Variants in JMJD6 observed in about 807,000 individuals in gnomAD.
JMJD6 encodes bifunctional arginine demethylase and lysyl-hydroxylase JMJD6.
A neutral mutation model predicts 45.8 loss-of-function variants in JMJD6; 17 were observed. That is an observed-to-expected ratio of 0.37 (90% CI 0.25 to 0.56). The LOEUF is 0.56. JMJD6 is among the 20% of genes least tolerant of loss of function. JMJD6 has a pLI of 0.79. For missense variants in JMJD6, 470 were observed against 517.5 expected (o/e 0.91, Z 0.89); for synonymous variants, 221 against 196.3 (o/e 1.13, Z -1.05).
At chr17:76,718,314 C>T (rs2076782641), downstream of JMJD6, 3 of 497,784 alleles carry the variant, frequency 6.0e-6, no homozygotes, top group Non-Finnish European at 8.6e-6. Context: ...TTTCCAATGG[C>T]TCTCCCTACG....
rs1212685615 is a variant in JMJD6 at position 76,718,674 on chromosome 17, A to G, written c.*55T>C. On this transcript the variant is annotated 3_prime_UTR_variant, in exon 6 of 6. Transcript: ENST00000397625. ...CAGGACTGGACAGGCCACCCTCCCCAGGCCCTGCCCTTGCCGCGAGCGTGT... is the reference window on the plus strand; with the variant it reads ...CAGGACTGGACAGGCCACCCTCCCCGGGCCCTGCCCTTGCCGCGAGCGTGT... The G allele has an allele frequency of 3.8e-6, 6 of 1,588,732 alleles. No individual in the cohort carries two copies. Among genetic ancestry groups the G allele is most frequent in the Non-Finnish European group, 5.1e-6 (6 of 1,167,354 alleles).
chr17:76,719,932 G>A (rs1348982049), intron 5 of JMJD6, among the ~76,000 whole-genome samples: 1 of 152,128 alleles, frequency 6.6e-6, no homozygotes, highest in East Asian at 1.9e-4. Context: ...GACCAGCCTG[G>A]TCAACACAGT....
At chr17:76,713,919 G>GC (rs2076746460), downstream of JMJD6, 1 of 152,208 alleles carries the variant, frequency 6.6e-6, no homozygotes, top group East Asian at 1.9e-4. Context: ...GTGAACAGCC[G>GC]CAACAGCCGC....
intron 1 of JMJD6, 26 bp downstream of exon 1, chr17:76,726,321 T>G: frequency 6.5e-7 from 1 of 1,544,622 alleles, no homozygotes; most frequent in Non-Finnish European, 8.7e-7. Flanking sequence ...ATGCCCGGCC[T>G]GGCCACCCCC....
Position 76,726,554 on chromosome 17 carries a change from G to C in JMJD6, c.-79C>G. On this transcript the variant is annotated 5_prime_UTR_variant, in exon 1 of 6. Transcript: ENST00000397625. The stretch of plus-strand genomic sequence containing the variant: ...ACACTAACGCACCCCTCCCCGGCCT[G>C]GGCGGCGGCGACGGCAGTACCCAAA... The C allele has an allele frequency of 6.7e-7, 1 of 1,494,830 alleles. No homozygotes were observed. The highest frequency in any genetic ancestry group is 8.9e-7 in the Non-Finnish European group (1 of 1,128,380). 92.6% of individuals were successfully genotyped at this position (1,494,830 alleles called of 1,614,324 possible). A position where few individuals can be genotyped will look rare whatever the true frequency, so the allele number is the denominator to read the frequency against.
At chr17:76,723,689 C>T in intron 3 of JMJD6, 83 bp downstream of exon 3, 2 of 1,324,186 alleles carry the variant, frequency 1.5e-6, no homozygotes, top group East Asian at 2.3e-5. Flanking sequence ...GATCTGCCCG[C>T]CTCAGCCTCC....
At chr17:76,725,977 C>T (rs2076918707) in intron 1 of JMJD6, 122 bp from the exon 2 acceptor site, 1 of 1,272,900 alleles carries the variant, frequency 7.9e-7, no homozygotes. Context: ...CGTCTGGCTC[C>T]TCCGGGGTGG....
chr17:76,725,799 C>T lies in JMJD6; in HGVS notation c.186G>A (p.Arg62=), dbSNP rs375036353. 37 of 1,613,980 alleles carry T rather than the reference C, an allele frequency of 2.3e-5. No individual in the cohort carries two copies. In the African/African-American group the frequency reaches 4.5e-4, roughly 20 times the overall value. Residue 62 remains arginine, a synonymous_variant, in exon 2 of 6, where the codon CGG becomes CGA. Transcript: ENST00000397625. ...CCACGGGCTTGTAAGGTCTTTCATA[C>T]CGCTCCACAAATTCTTCCACAGACA... The part of the protein sequence containing the change: ...LQLSVEEFVE[R]YERPYKPVVL...
In JMJD6 at chr17:76,725,179, C is replaced by T. The variant is rs377121283; in HGVS notation, c.518+288G>A. Reference sequence around the variant, plus strand: ...ATCGCAGCACTTTGGGAGGCCGAGGCGGGCAGATCACCTGAAGTCGGGAGT... The same window carrying T: ...ATCGCAGCACTTTGGGAGGCCGAGGTGGGCAGATCACCTGAAGTCGGGAGT... On this transcript the variant is annotated intron_variant, in intron 2 of 5. Coordinates refer to ENST00000397625, the MANE Select transcript of JMJD6 (RefSeq NM_015167.3). Among the ~76,000 whole-genome samples, 101 of 152,238 alleles carry T rather than the reference C, an allele frequency of 6.6e-4. 1 individual carries two copies. Among genetic ancestry groups the T allele is most frequent in the East Asian group, 5.8e-3 (30 of 5,170 alleles).
At chr17:76,723,623 A>G (rs1332368983) in intron 3 of JMJD6, 149 bp downstream of exon 3, 1 of 718,704 alleles carries the variant, frequency 1.4e-6, no homozygotes, top group Non-Finnish European at 2.3e-6. Context: ...TTGTATTTTT[A>G]GTAGAGACGG....
downstream of JMJD6, chr17:76,714,892 C>G (rs1179088486): frequency 2.0e-5 from 3 of 152,172 alleles, no homozygotes; most frequent in Admixed American, 1.3e-4. Flanking sequence ...CAAGCAATCC[C>G]CCTGCCTCAG....
At chr17:76,720,580 C>G in intron 4 of JMJD6, 82 bp from the exon 5 acceptor site, 2 of 1,396,498 alleles carry the variant, frequency 1.4e-6, no homozygotes, top group South Asian at 1.2e-5. Context: ...AGGCCTGTGT[C>G]TCTCAGAAAC....
chr17:76,719,806 C>A (rs1378706752), intron 5 of JMJD6, among the ~76,000 whole-genome samples: 1 of 152,032 alleles, frequency 6.6e-6, no homozygotes, highest in Non-Finnish European at 1.5e-5. Flanking sequence ...TCCCCAAATA[C>A]CCCTGATACC....
chr17:76,726,463 T>A lies in JMJD6; in HGVS notation c.13A>T (p.Ser5Cys). Residue 5 changes from serine to cysteine, a missense_variant, in exon 1 of 6, where the codon AGC (serine) becomes TGC (cysteine). This residue lies in a region of JMJD6 where 346 missense variants were observed against 339.5 expected (regional missense o/e 1.02). Transcript: ENST00000397625. ...TTGGCCTCGCGGATGCGCTTCTTGC[T>A]CTTGTGGTTCATTCTGCGGGGTCGC... MNHKSKKRIREAKRS... is the reference protein window; with the variant it reads MNHKCKKRIREAKRS... 1 of 1,602,170 alleles carries A rather than the reference T, an allele frequency of 6.2e-7. No individual in the cohort carries two copies. The highest frequency in any genetic ancestry group is 8.5e-7 in the Non-Finnish European group (1 of 1,175,508).
intron 5 of JMJD6, 88 bp from the exon 6 acceptor site, chr17:76,718,948 C>A: frequency 7.6e-7 from 1 of 1,316,282 alleles, no homozygotes; most frequent in South Asian, 1.4e-5. Flanking sequence ...GGAGACAGCA[C>A]AGATATTGGT....
intron 3 of JMJD6, among the ~76,000 whole-genome samples, chr17:76,722,154 G>A (rs2076833661): frequency 6.6e-6 from 1 of 152,176 alleles, no homozygotes; most frequent in Non-Finnish European, 1.5e-5. Context: ...ATTGTCTAGG[G>A]CTGCTTTCCA....
At chr17:76,724,094 T>TA (rs2076864528) in intron 2 of JMJD6, 36 bp from the exon 3 acceptor site, 1 of 1,602,542 alleles carries the variant, frequency 6.2e-7, no homozygotes, top group African/African-American at 1.3e-5. Flanking sequence ...TGAAGTGTAA[T>TA]TTACTTACAC....
chr17:76,726,486 C>A lies in JMJD6; in HGVS notation c.-11G>T. 1.3e-6 allele frequency: 2 copies of A among 1,586,048 alleles called. No individual in the cohort carries two copies. The highest frequency in any genetic ancestry group is 2.2e-5 in the South Asian group (2 of 88,962). ...GCTCTTGTGGTTCATTCTGCGGGGT[C>A]GCCAGCTGGTTCCGCTACGACCTCG... On this transcript the variant is annotated 5_prime_UTR_variant, in exon 1 of 6. Transcript: ENST00000397625.
intron 3 of JMJD6, among the ~76,000 whole-genome samples, chr17:76,722,818 C>A (rs1180348976): frequency 3.2e-5 from 4 of 125,664 alleles, no homozygotes; most frequent in Admixed American, 9.8e-5. Flanking sequence ...TGTGCTCCAG[C>A]CTGGGTGACA....
Sources: allele counts gnomAD v4.1 joint callset (sites outside exome capture counted in the v4.1 genomes callset), GRCh38; gene constraint gnomAD v4.1.1; regional missense constraint gnomAD v4.1.1; transcripts MANE v1.5; gene names NCBI Gene and HGNC (gene_info 2026-07-23, HGNC 2026-07-21).